Variants in IBTK observed in about 807,000 individuals in gnomAD.
IBTK encodes the protein inhibitor of Bruton tyrosine kinase.
Under a neutral mutation model 154.9 loss-of-function variants are expected in IBTK, and 83 were observed. That is an observed-to-expected ratio of 0.54 (90% confidence interval 0.45 to 0.64). The LOEUF is 0.64. Ranked by LOEUF, IBTK falls within the 30% of genes least tolerant of loss-of-function variation. IBTK has a pLI of 0.00. For synonymous variants in IBTK, 515 were observed against 536.1 expected (o/e 0.96, Z 0.54); for missense variants, 1,332 against 1,584.6 (o/e 0.84, Z 2.71).
intron 4 of IBTK, 28 bp from the exon 5 acceptor site, chr6:82,227,330 A>C: frequency 7.8e-7 from 1 of 1,288,294 alleles, no homozygotes; most frequent in Non-Finnish European, 1.1e-6. Context: ...AATATTATTA[A>C]ACTTCTCTGA....
chr6:82,239,596 C>T (rs1036361400), intron 2 of IBTK, among the ~76,000 whole-genome samples: 1 of 133,160 alleles, frequency 7.5e-6, no homozygotes, highest in Non-Finnish European at 1.7e-5. Context: ...TAAGTAAACA[C>T]ACAGCCAGTA....
At chr6:82,212,277 C>G (rs1450319231) in intron 13 of IBTK, among the ~76,000 whole-genome samples, 1 of 152,142 alleles carries the variant, frequency 6.6e-6, no homozygotes, top group African/African-American at 2.4e-5. Flanking sequence ...TGAGCCACCA[C>G]ACCAGGCCCT....
In IBTK at chr6:82,220,720, G is replaced by GAA. The variant is rs34032511; in HGVS notation, c.1125-9_1125-8dup. On this transcript the variant is annotated splice_region_variant and splice_polypyrimidine_tract_variant and intron_variant, in intron 8 of 28. Transcript: ENST00000306270. ...TTTTTTCAAGTTCAACTGTCTAGAT[G>GAA]AAAAAAAAAAAAATCCTAGATTAAT... The GAA allele has an allele frequency of 3.8e-3, 4,778 of 1,253,508 alleles. No individual in the cohort carries two copies. Among genetic ancestry groups the GAA allele is most frequent in the South Asian group, 7.8e-3 (489 of 62,464 alleles). The allele number at this position is 1,253,508 out of a possible 1,614,324, so 77.6% of individuals were successfully genotyped here. A position where few individuals can be genotyped will look rare whatever the true frequency, so the allele number is the denominator to read the frequency against.
At position 82,231,857 on chromosome 6, in the gene IBTK, AG is replaced by A. The variant is rs771624138; in HGVS notation, c.419-16del. 2.0e-6 allele frequency: 3 copies of A among 1,479,688 alleles called. No homozygotes were observed. Among genetic ancestry groups the A allele is most frequent in the South Asian group, 2.6e-5 (2 of 78,214 alleles). The allele number at this position is 1,479,688 out of a possible 1,614,324, so 91.7% of individuals were successfully genotyped here. On this transcript the variant is annotated splice_polypyrimidine_tract_variant and intron_variant, in intron 3 of 28. Coordinates refer to ENST00000306270, the MANE Select transcript of IBTK (RefSeq NM_015525.4). The stretch of plus-strand genomic sequence containing the variant: ...ATCTGTAGGATCTAAAATAAAAATT[AG>A]TTTTTATACTTTTTTATATTTTAAA...
intron 16 of IBTK, among the ~76,000 whole-genome samples, 189 bp downstream of exon 16, chr6:82,210,625 G>C (rs761248007): frequency 2.0e-5 from 3 of 151,828 alleles, no homozygotes; most frequent in Non-Finnish European, 2.9e-5. Context: ...AGGAGTTTGA[G>C]ACTAGCCTGG....
At chr6:82,194,981 T>C (rs1029993028) in intron 22 of IBTK, among the ~76,000 whole-genome samples, 1 of 152,178 alleles carries the variant, frequency 6.6e-6, no homozygotes, top group Non-Finnish European at 1.5e-5. Context: ...TATCCATGGC[T>C]TGAATATGAA....
intron 25 of IBTK, among the ~76,000 whole-genome samples, chr6:82,189,511 T>C (rs1161293832): frequency 6.6e-6 from 1 of 152,146 alleles, no homozygotes; most frequent in Non-Finnish European, 1.5e-5. Context: ...ACTGGAGTTG[T>C]GCTACATCAA....
chr6:82,241,856 C>CTA (rs1770965222), intron 1 of IBTK, among the ~76,000 whole-genome samples: 1 of 152,104 alleles, frequency 6.6e-6, no homozygotes, highest in Non-Finnish European at 1.5e-5. Context: ...CTTGAGTTTA[C>CTA]TATATGTATA....
At chr6:82,242,542 C>G (rs1770991674) in intron 1 of IBTK, among the ~76,000 whole-genome samples, 2 of 152,156 alleles carry the variant, frequency 1.3e-5, no homozygotes, top group African/African-American at 4.8e-5. Flanking sequence ...AGCTCCAGAT[C>G]TGTTCTACTA....
At chr6:82,177,212 G>A (rs1216317631) in intron 26 of IBTK, among the ~76,000 whole-genome samples, 3 of 151,530 alleles carry the variant, frequency 2.0e-5, no homozygotes. Context: ...TGTTGTTGTT[G>A]TTGTTGTTGT....
chr6:82,244,779 C>G (rs539326521), intron 1 of IBTK, among the ~76,000 whole-genome samples: 1 of 152,166 alleles, frequency 6.6e-6, no homozygotes, highest in South Asian at 2.1e-4. Context: ...CTAATACATA[C>G]GGAATGCTTT....
chr6:82,219,892 T>C (rs183727865), intron 9 of IBTK, among the ~76,000 whole-genome samples: 7 of 152,242 alleles, frequency 4.6e-5, no homozygotes, highest in Middle Eastern at 3.4e-3. Flanking sequence ...AAATTTATCA[T>C]ATTGCCTGAT....
At chr6:82,187,807 T>G (rs372677) in intron 25 of IBTK, among the ~76,000 whole-genome samples, 149,760 of 152,278 alleles carry the variant, frequency 0.98, 73,648 homozygotes, top group East Asian at 1. Flanking sequence ...ATGGTCATAT[T>G]ACTACATCTC....
chr6:82,244,841 G>A (rs1454513016), intron 1 of IBTK, among the ~76,000 whole-genome samples: 1 of 151,864 alleles, frequency 6.6e-6, no homozygotes, highest in East Asian at 1.9e-4. Flanking sequence ...AGAAAAGAGG[G>A]AGTCAGACTT....
chr6:82,171,560 A>C lies in IBTK; in HGVS notation c.3931-4T>G, dbSNP rs376800097. On this transcript the variant is annotated splice_region_variant and splice_polypyrimidine_tract_variant and intron_variant, in intron 28 of 28. Coordinates refer to ENST00000306270, the MANE Select transcript of IBTK (RefSeq NM_015525.4). Reference sequence around the variant, plus strand: ...CTTGTATGGCATGCTCCTCAATCTGAAAGGAGGAAGGGAAAGAAGACTCTT... The same window carrying C: ...CTTGTATGGCATGCTCCTCAATCTGCAAGGAGGAAGGGAAAGAAGACTCTT... 31 of 1,586,644 alleles carry C rather than the reference A, an allele frequency of 2.0e-5. No homozygotes were observed. The African/African-American group carries it at 2.8e-4, about 14-fold the overall frequency.
chr6:82,215,292 A>G (rs534065646), intron 11 of IBTK, among the ~76,000 whole-genome samples: 2 of 152,084 alleles, frequency 1.3e-5, no homozygotes, highest in East Asian at 3.9e-4. Flanking sequence ...CTTCAACAGT[A>G]CCCTTGATGT....
At chr6:82,172,252 C>A in intron 28 of IBTK, 128 bp downstream of exon 28, 1 of 839,712 alleles carries the variant, frequency 1.2e-6, no homozygotes. Flanking sequence ...TTTAATTTTA[C>A]CTGGCATTTA....
rs144013411 is a variant in IBTK, at chr6:82,214,703, A to C, written c.1728T>G (p.Pro576=). 9 of 1,614,034 alleles carry C rather than the reference A, an allele frequency of 5.6e-6. No individual in the cohort carries two copies. Among genetic ancestry groups the C allele is most frequent in the Admixed American group, 1.7e-5 (1 of 60,002 alleles). Residue 576 remains proline (P), a synonymous_variant, in exon 12 of 29, where the codon CCT becomes CCG. Coordinates refer to ENST00000306270, the MANE Select transcript of IBTK (RefSeq NM_015525.4). ...GCACTGCCAAAATATATTTATGTGC[A>C]GGGAAGAGTCTATTGCCAACTTGAA... The part of the protein sequence containing the change: ...VTFQVGNRLF[P]AHKYILAVHS...
chr6:82,175,047 A>C (rs1225242721), intron 26 of IBTK: 1 of 455,676 alleles, frequency 2.2e-6, no homozygotes, highest in Non-Finnish European at 4.4e-6. Flanking sequence ...ATTATTGTTT[A>C]CATGTCAATC....
Sources: allele counts gnomAD v4.1 joint callset (sites outside exome capture counted in the v4.1 genomes callset), GRCh38; gene constraint gnomAD v4.1.1; transcripts MANE v1.5; gene names NCBI Gene and HGNC (gene_info 2026-07-23, HGNC 2026-07-21).